NSG2: variants seen among roughly 807,000 people sequenced by gnomAD.
NSG2 encodes the protein neuronal vesicle trafficking-associated protein 2.
NSG2 carries 4 observed loss-of-function variants against 16.9 expected under a neutral mutation model. The ratio of observed to expected loss-of-function variants is 0.24; its 90% CI spans 0.12 to 0.54. The LOEUF (loss-of-function observed/expected upper bound fraction) is 0.54. Among genes scored for constraint, NSG2 ranks in the 20% least tolerant of loss-of-function variants. The pLI, the probability that NSG2 is intolerant of heterozygous loss-of-function variation, is 0.95. For missense variants in NSG2, 179 were observed against 221.1 expected (o/e 0.81, Z 1.21); for synonymous variants, 98 against 88.7 (o/e 1.11, Z -0.59).
chr5:174,102,886 C>A (rs897088055), intron 3 of NSG2, among the ~76,000 whole-genome samples: 3 of 151,034 alleles, frequency 2.0e-5, no homozygotes, highest in African/African-American at 7.3e-5. Flanking sequence ...TCAAGCAATT[C>A]TCCTGCCTCA....
chr5:174,080,137 C>T (rs886825888), intron 3 of NSG2, among the ~76,000 whole-genome samples: 7 of 152,080 alleles, frequency 4.6e-5, no homozygotes, highest in Non-Finnish European at 1.0e-4. Flanking sequence ...TCTGTTCTCT[C>T]TTTTCTTCTA....
intron 3 of NSG2, among the ~76,000 whole-genome samples, chr5:174,100,646 G>T (rs992003718): frequency 6.6e-6 from 1 of 152,164 alleles, no homozygotes; most frequent in African/African-American, 2.4e-5. Flanking sequence ...AGAAGCATTT[G>T]CTGGAGGCCT....
intron 2 of NSG2, among the ~76,000 whole-genome samples, chr5:174,054,979 T>C (rs954592195): frequency 9.2e-5 from 14 of 152,236 alleles, no homozygotes; most frequent in Non-Finnish European, 1.8e-4. Context: ...ATGTTTATCA[T>C]AGTGTCTAGT....
At position 174,107,510 on chromosome 5, in the gene NSG2, C is replaced by T; in HGVS notation, c.*5C>T. 1 of 1,603,666 alleles carries T rather than the reference C, an allele frequency of 6.2e-7. No individual in the cohort carries two copies. The highest frequency in any genetic ancestry group is 1.1e-5 in the South Asian group (1 of 90,148). Reference sequence around the variant, plus strand: ...CCCAAGACCCAGGGCCACTAGAGGCCTGCCCCAGCCAGAATGGGGGGCGGG... The same window carrying T: ...CCCAAGACCCAGGGCCACTAGAGGCTTGCCCCAGCCAGAATGGGGGGCGGG... On this transcript the variant is annotated 3_prime_UTR_variant, in exon 5 of 5. Coordinates refer to ENST00000303177, the MANE Select transcript of NSG2 (RefSeq NM_015980.5). The surrounding 1 kb of genome is among the most constrained non-coding windows in gnomAD (Gnocchi z 4.5).
intron 3 of NSG2, among the ~76,000 whole-genome samples, chr5:174,085,555 T>A (rs966509809): frequency 1.3e-5 from 2 of 152,236 alleles, no homozygotes; most frequent in Non-Finnish European, 2.9e-5. Flanking sequence ...CTTCATGACC[T>A]CACTGCTCCA....
chr5:174,100,853 G>A (rs1760887282), intron 3 of NSG2, among the ~76,000 whole-genome samples: 2 of 152,246 alleles, frequency 1.3e-5, no homozygotes, highest in South Asian at 4.1e-4. Context: ...TTGGCCAGGG[G>A]CCTTATCCAG....
intron 3 of NSG2, among the ~76,000 whole-genome samples, chr5:174,087,704 C>A (rs116326971): frequency 0.019 from 2,859 of 151,848 alleles, 93 homozygotes; most frequent in African/African-American, 0.065. Flanking sequence ...GGGAGGATCG[C>A]TTGTGCCTGG....
intron 3 of NSG2, among the ~76,000 whole-genome samples, chr5:174,073,385 T>C (rs964215283): frequency 3.9e-5 from 6 of 152,378 alleles, no homozygotes; most frequent in Admixed American, 3.9e-4. Context: ...GGAACATTTT[T>C]AGGCAAGTTA....
intron 3 of NSG2, among the ~76,000 whole-genome samples, chr5:174,068,294 C>G (rs1760177266): frequency 6.6e-6 from 1 of 152,126 alleles, no homozygotes; most frequent in African/African-American, 2.4e-5. Flanking sequence ...GAAAGATGAG[C>G]TGAAATAATT....
intron 2 of NSG2, among the ~76,000 whole-genome samples, chr5:174,048,761 C>T (rs2113415434): frequency 6.6e-6 from 1 of 152,280 alleles, no homozygotes; most frequent in Admixed American, 6.5e-5. Flanking sequence ...AGAGAGGAGG[C>T]AGGTCTGATA....
intron 2 of NSG2, among the ~76,000 whole-genome samples, 184 bp from the exon 3 acceptor site, chr5:174,064,048 G>C (rs1385467473): frequency 6.6e-6 from 1 of 152,096 alleles, no homozygotes; most frequent in Non-Finnish European, 1.5e-5. Context: ...GTTACCTAGG[G>C]TTGTCTCTGT....
chr5:174,081,534 T>G (rs953838991), intron 3 of NSG2: 3 of 152,142 alleles, frequency 2.0e-5, no homozygotes, highest in African/African-American at 7.2e-5. Context: ...TATTTAAAAT[T>G]TTTGCTTTAT....
At chr5:174,051,589 A>C (rs1449033415) in intron 2 of NSG2, among the ~76,000 whole-genome samples, 1 of 151,970 alleles carries the variant, frequency 6.6e-6, no homozygotes, top group African/African-American at 2.4e-5. Context: ...CCATCCATCC[A>C]TCCATCCAGC....
At chr5:174,082,917 C>T (rs1434754982) in intron 3 of NSG2, among the ~76,000 whole-genome samples, 1 of 152,220 alleles carries the variant, frequency 6.6e-6, no homozygotes, top group African/African-American at 2.4e-5. Flanking sequence ...GGAACCATGT[C>T]CATGAATGCC....
intron 3 of NSG2, among the ~76,000 whole-genome samples, chr5:174,091,039 CTTTTTTTTTT>C (rs35022469): frequency 3.2e-5 from 4 of 124,092 alleles, no homozygotes; most frequent in East Asian, 2.5e-4. Context: ...CTTCTTCTTC[CTTTTTTTTTT>C]TTTTTTTTTT....
At chr5:174,063,513 A>G (rs1760089551) in intron 2 of NSG2, among the ~76,000 whole-genome samples, 1 of 149,168 alleles carries the variant, frequency 6.7e-6, no homozygotes. Context: ...AATCTTCATC[A>G]TAACTTTCTA....
intron 4 of NSG2, among the ~76,000 whole-genome samples, 183 bp downstream of exon 4, chr5:174,104,521 G>A (rs1393794525): frequency 6.6e-6 from 1 of 152,210 alleles, no homozygotes; most frequent in Non-Finnish European, 1.5e-5. Context: ...CCAGTAAGCA[G>A]TAGAGTTCCT....
chr5:174,100,912 C>T (rs903597436), intron 3 of NSG2, among the ~76,000 whole-genome samples: 1 of 152,246 alleles, frequency 6.6e-6, no homozygotes, highest in Non-Finnish European at 1.5e-5. Context: ...TGCCCAGCTC[C>T]TGAGTCTCTC....
intron 2 of NSG2, among the ~76,000 whole-genome samples, chr5:174,055,251 G>A (rs1759949057): frequency 1.3e-5 from 2 of 152,132 alleles, no homozygotes; most frequent in African/African-American, 2.4e-5. Context: ...CCCCGTAGAG[G>A]ATCCTGTGGA....
Sources: gnomAD v4.1 joint callset for allele counts (sites outside exome capture counted in the v4.1 genomes callset) on GRCh38, gnomAD v4.1.1 for gene constraint, Gnocchi (gnomAD v3.1) non-coding constraint, MANE v1.5 for transcripts, NCBI Gene and HGNC (gene_info 2026-07-23, HGNC 2026-07-21) for gene names.